The following DNAI2 variants were observed in gnomAD, a reference collection of about 807,000 sequenced individuals.
DNAI2 encodes dynein, axonemal, intermediate polypeptide 2.
In DNAI2, 63 loss-of-function variants were observed where a neutral mutation model predicts 74.7. The observed-to-expected ratio is 0.84, with a 90% CI of 0.69 to 1.04. The LOEUF is 1.04. Among genes scored for constraint, DNAI2 ranks in the 50% least tolerant of loss-of-function variants. The pLI is 0.00. For synonymous variants in DNAI2, 289 were observed against 314.9 expected, an observed-to-expected ratio of 0.92 and a Z score of 0.87; for missense variants, 688 against 803.2, an observed-to-expected ratio of 0.86 and a Z score of 1.73.
intron 1 of DNAI2, among the ~76,000 whole-genome samples, chr17:74,278,906 G>A (rs184926917): frequency 3.3e-5 from 5 of 152,328 alleles, no homozygotes; most frequent in East Asian, 1.9e-4. Flanking sequence ...GGTGGCTCAC[G>A]CCTGTAATCC....
intron 6 of DNAI2, among the ~76,000 whole-genome samples, chr17:74,297,084 TTTTG>T (rs1026685505): frequency 5.9e-5 from 9 of 152,152 alleles, no homozygotes; most frequent in East Asian, 1.9e-4. Flanking sequence ...GAAAACTGAT[TTTTG>T]TTTGTTTGTT....
chr17:74,305,273 A>C lies in DNAI2; in HGVS notation c.1042A>C (p.Lys348Gln). 6.2e-7 allele frequency: 1 copy of C among 1,614,218 alleles called. No homozygotes were observed. Among genetic ancestry groups the C allele is most frequent in the East Asian group, 2.2e-5 (1 of 44,870 alleles). Residue 348 changes from lysine to glutamine, a missense_variant, in exon 9 of 14, where the codon AAG becomes CAG. Physicochemically the swap from Lys to Gln is moderately conservative, Grantham distance 53 (BLOSUM62 1). Coordinates refer to ENST00000311014, the MANE Select transcript of DNAI2 (RefSeq NM_023036.6). ...EQGIVISCNR[K>Q]AKTSAEKIVC... Reference sequence around the variant, plus strand: ...GGGCATCGTCATCTCCTGCAACCGCAAGGCCAAGACGTCAGCTGAAAAGAT... The same window carrying C: ...GGGCATCGTCATCTCCTGCAACCGCCAGGCCAAGACGTCAGCTGAAAAGAT...
At chr17:74,302,420 A>G (rs1567866285) in intron 8 of DNAI2, among the ~76,000 whole-genome samples, 1 of 152,008 alleles carries the variant, frequency 6.6e-6, no homozygotes, top group South Asian at 2.1e-4. Context: ...ATACAAAATT[A>G]GCTGGGCGTG....
rs751368254 is a variant in DNAI2 at position 74,305,307 on chromosome 17, C to T, written c.1076C>T (p.Thr359Ile). 8 of 1,614,110 alleles carry T rather than the reference C, an allele frequency of 5.0e-6. No individual in the cohort carries two copies. Among genetic ancestry groups the T allele is most frequent in the Non-Finnish European group, 6.8e-6 (8 of 1,180,048 alleles). Residue 359 changes from threonine to isoleucine, a missense_variant, in exon 9 of 14, where the codon ACC (threonine) becomes ATC (isoleucine). Transcript: ENST00000311014. The part of the protein sequence containing the change: ...AKTSAEKIVC[T>I]FPGHHGPIYA... ...ACGTCAGCTGAAAAGATTGTGTGCACCTTCCCGGGCCATCATGGCCCCATC... is the reference window on the plus strand; with the variant it reads ...ACGTCAGCTGAAAAGATTGTGTGCATCTTCCCGGGCCATCATGGCCCCATC...
chr17:74,291,223 C>T, intron 6 of DNAI2, 90 bp downstream of exon 6: 1 of 1,116,890 alleles, frequency 9.0e-7, no homozygotes, highest in East Asian at 2.6e-5. Flanking sequence ...TGTAGTGGTG[C>T]AATTTTGGCT....
At chr17:74,280,226 C>T (rs1299172035) in intron 1 of DNAI2, among the ~76,000 whole-genome samples, 2 of 152,196 alleles carry the variant, frequency 1.3e-5, no homozygotes, top group Non-Finnish European at 1.5e-5. Context: ...TTCTAATCAG[C>T]ATCAGTGAGA....
At chr17:74,275,589 C>T (rs963797266) in intron 1 of DNAI2, among the ~76,000 whole-genome samples, 2 of 152,082 alleles carry the variant, frequency 1.3e-5, no homozygotes, top group Admixed American at 6.6e-5. Flanking sequence ...TGGCCGGGTG[C>T]AGTGGCTCAC....
At chr17:74,288,041 A>C (rs1246275923) in intron 4 of DNAI2, among the ~76,000 whole-genome samples, 1 of 152,160 alleles carries the variant, frequency 6.6e-6, no homozygotes. Context: ...AACCAAAACA[A>C]AGCCGGTGCA....
chr17:74,284,704 A>T (rs1462718684), intron 2 of DNAI2, among the ~76,000 whole-genome samples: 1 of 152,016 alleles, frequency 6.6e-6, no homozygotes, highest in African/African-American at 2.4e-5. Flanking sequence ...GAGCCACTGC[A>T]CCCGGCCAAT....
At position 74,289,753 on chromosome 17, in the gene DNAI2, T is replaced by G; in HGVS notation, c.610+17T>G. Reference sequence around the variant, plus strand: ...GGGACCTGGGTGAGAAGCAGCGGGGTCCTGGTGGCCTGGGAGGGCTGAGGG... The same window carrying G: ...GGGACCTGGGTGAGAAGCAGCGGGGGCCTGGTGGCCTGGGAGGGCTGAGGG... On this transcript the variant is annotated intron_variant, in intron 5 of 13. Transcript: ENST00000311014. 6.2e-7 allele frequency: 1 copy of G among 1,613,530 alleles called. No homozygotes were observed. The highest frequency in any genetic ancestry group is 8.5e-7 in the Non-Finnish European group (1 of 1,179,898).
At chr17:74,299,655 C>G in intron 6 of DNAI2, 63 bp from the exon 7 acceptor site, 4 of 1,605,368 alleles carry the variant, frequency 2.5e-6, no homozygotes, top group Non-Finnish European at 1.7e-6. Context: ...CTCCCCTGCT[C>G]CCTGCCCTAA....
intron 5 of DNAI2, among the ~76,000 whole-genome samples, chr17:74,290,183 G>T (rs972711848): frequency 4.6e-5 from 7 of 152,196 alleles, no homozygotes; most frequent in African/African-American, 1.7e-4. Flanking sequence ...GTGCTTGATG[G>T]TGGGTGCCTG....
chr17:74,301,063 C>T lies in DNAI2; in HGVS notation c.882C>T (p.Ile294=), dbSNP rs2052733311. The part of the protein sequence containing the change: ...STDGQVMWWD[I]RKMSEPTEVV... ...CCCACCAGGTCATGTGGTGGGACAT[C>T]CGAAAGATGAGCGAGCCCACTGAAG... is the stretch of plus-strand genomic sequence containing the variant. Residue 294 remains isoleucine, a synonymous_variant, in exon 8 of 14, where the codon ATC becomes ATT. Coordinates refer to ENST00000311014, the MANE Select transcript of DNAI2 (RefSeq NM_023036.6). 2 of 1,613,906 alleles carry T rather than the reference C, an allele frequency of 1.2e-6. No homozygotes were observed. Among genetic ancestry groups the T allele is most frequent in the Non-Finnish European group, 8.5e-7 (1 of 1,179,964 alleles).
intron 4 of DNAI2, among the ~76,000 whole-genome samples, chr17:74,288,533 C>T (rs940264167): frequency 2.6e-5 from 4 of 152,144 alleles, no homozygotes; most frequent in African/African-American, 4.8e-5. Flanking sequence ...TTCTGGCATC[C>T]GGAACTGTGA....
intron 6 of DNAI2, among the ~76,000 whole-genome samples, chr17:74,295,233 T>TAA (rs57143936): frequency 0.34 from 37,917 of 112,142 alleles, 7,544 homozygotes; most frequent in East Asian, 0.82. Flanking sequence ...CATCTCTACT[T>TAA]AAAAAAAAAA....
chr17:74,296,275 A>G (rs2052416538), intron 6 of DNAI2, among the ~76,000 whole-genome samples: 1 of 146,754 alleles, frequency 6.8e-6, no homozygotes, highest in Admixed American at 7.0e-5. Flanking sequence ...AGGAGTTTGA[A>G]ACTAGCCTGT....
chr17:74,294,306 T>C lies in DNAI2; in HGVS notation c.724+3173T>C, dbSNP rs551104139. Among the ~76,000 whole-genome samples the C allele has an allele frequency of 4.3e-3, 647 of 151,148 alleles. 5 individuals carry two copies. Among genetic ancestry groups the C allele is most frequent in the African/African-American group, 0.015 (601 of 41,308 alleles). On this transcript the variant is annotated intron_variant, in intron 6 of 13. Transcript: ENST00000311014. ...TAATTCCCTTATCATTTCTTTTTTT[T>C]TTTTCTTTTCTTTTTTTTTTAGAGA...
chr17:74,288,952 T>C (rs1598287647), intron 4 of DNAI2, among the ~76,000 whole-genome samples: 2 of 152,280 alleles, frequency 1.3e-5, no homozygotes, highest in South Asian at 2.1e-4. Flanking sequence ...TGAAAGGTGT[T>C]TGGGAAATGA....
In DNAI2 at chr17:74,310,027, A is replaced by G. The variant is rs769978898; in HGVS notation, c.1358A>G (p.Glu453Gly). 6 of 1,613,794 alleles carry G rather than the reference A, an allele frequency of 3.7e-6. No homozygotes were observed. The highest frequency in any genetic ancestry group is 4.2e-6 in the Non-Finnish European group (5 of 1,180,026). Residue 453 changes from glutamate (E) to glycine (G), a missense_variant, in exon 11 of 14, where the codon GAG (glutamate) becomes GGG (glycine). Glu to Gly is a moderately conservative substitution (Grantham distance 98). Transcript: ENST00000311014. ...CGGCCCCTTCAATAGGTGTGTGACG[A>G]GGCCCTCTTCTGCCTCCGGGTGCAG... is the stretch of plus-strand genomic sequence containing the variant. ...DPTLSLKVCD[E>G]ALFCLRVQDN...
Sources: gnomAD v4.1 joint callset for allele counts (sites outside exome capture counted in the v4.1 genomes callset) on GRCh38, gnomAD v4.1.1 for gene constraint, MANE v1.5 for transcripts, NCBI Gene and HGNC (gene_info 2026-07-23, HGNC 2026-07-21) for gene names.